Variants in PCDHA2 observed in about 807,000 individuals in gnomAD.
PCDHA2 encodes the protein protocadherin alpha-2.
In PCDHA2, 58 loss-of-function variants were observed where a neutral mutation model predicts 66.0. The ratio of observed to expected loss-of-function variants is 0.88; its 90% CI spans 0.71 to 1.09. The LOEUF (loss-of-function observed/expected upper bound fraction) is 1.09. Ranked by LOEUF, PCDHA2 falls within the 50% of genes least tolerant of loss-of-function variation. PCDHA2 has a pLI of 0.00. For missense variants in PCDHA2, 1,267 were observed against 1,242.3 expected (o/e 1.02, Z -0.30); for synonymous variants, 634 against 554.0 (o/e 1.14, Z -2.03).
Position 140,881,345 on chromosome 5 carries a change from T to A in PCDHA2, c.2388+83993T>A, listed in dbSNP as rs2058675594. The A allele has an allele frequency of 4.1e-6, 4 of 985,136 alleles. No individual in the cohort carries two copies. In the African/African-American group the frequency reaches 7.0e-5, roughly 17 times the overall value. The allele number at this position is 985,136 out of a possible 1,614,324, so 61.0% of individuals were successfully genotyped here. A position where few individuals can be genotyped will look rare whatever the true frequency, so the allele number is the denominator to read the frequency against. On this transcript the variant is annotated intron_variant, in intron 1 of 3. Transcript: ENST00000526136. ...ATTTAACCAGGACGCCGATTCGGGC[T>A]ACAATGCGTGGCTTTCGTATGAATT... is the stretch of plus-strand genomic sequence containing the variant.
intron 1 of PCDHA2, among the ~76,000 whole-genome samples, chr5:140,959,893 T>A (rs782431808): frequency 6.6e-6 from 1 of 152,194 alleles, no homozygotes; most frequent in Non-Finnish European, 1.5e-5. Flanking sequence ...CGAGTGGGAT[T>A]TATATCAGAA....
At chr5:140,885,738 C>T (rs1160742683) in intron 1 of PCDHA2, among the ~76,000 whole-genome samples, 5 of 151,978 alleles carry the variant, frequency 3.3e-5, no homozygotes, top group African/African-American at 1.2e-4. Flanking sequence ...TGATATTTCA[C>T]TGTTACTTTA....
At chr5:140,966,470 T>G (rs782674249) in intron 1 of PCDHA2, 26 of 431,180 alleles carry the variant, frequency 6.0e-5, no homozygotes, top group Non-Finnish European at 9.3e-5. Context: ...TCTTCCCTTC[T>G]GTTTCCTTTT....
intron 1 of PCDHA2, among the ~76,000 whole-genome samples, chr5:140,948,503 A>G (rs949915439): frequency 1.4e-4 from 22 of 151,736 alleles, no homozygotes; most frequent in Middle Eastern, 3.4e-3. Flanking sequence ...TAGACTTTCT[A>G]TTAAAAATGT....
intron 1 of PCDHA2, chr5:140,847,447 T>C (rs1013186891): frequency 6.7e-6 from 1 of 149,786 alleles, no homozygotes; most frequent in Non-Finnish European, 1.5e-5. Context: ...CACTAAAATC[T>C]AGATTTAATT....
intron 1 of PCDHA2, among the ~76,000 whole-genome samples, chr5:140,977,826 T>C (rs1554238818): frequency 1.3e-5 from 2 of 152,208 alleles, no homozygotes; most frequent in Admixed American, 6.5e-5. Flanking sequence ...TTTTGAATGG[T>C]CTATTGATAT....
At chr5:140,834,316 G>A (rs1772899849) in intron 1 of PCDHA2, 1 of 1,378,132 alleles carries the variant, frequency 7.3e-7, no homozygotes, top group Non-Finnish European at 1.0e-6. Context: ...TGAAATGAAG[G>A]GATAAAAACA....
chr5:140,878,047 G>A lies in PCDHA2; in HGVS notation c.2388+80695G>A, dbSNP rs574540860. On this transcript the variant is annotated intron_variant, in intron 1 of 3. Transcript: ENST00000526136. Reference sequence around the variant, plus strand: ...ATGTAGGTACAATGGAGGCCATGGAGCACCACACTTAATATTTTTCTTTTT... The same window carrying A: ...ATGTAGGTACAATGGAGGCCATGGAACACCACACTTAATATTTTTCTTTTT... The A allele has an allele frequency of 1.7e-4, 84 of 491,464 alleles. No homozygotes were observed. In the South Asian group the frequency reaches 4.9e-3, roughly 29 times the overall value. 30.4% of individuals were successfully genotyped at this position (491,464 alleles called of 1,614,324 possible).
rs138591837 is a variant in PCDHA2 at position 140,843,301 on chromosome 5, C to T, written c.2388+45949C>T. The T allele has an allele frequency of 6.3e-6, 10 of 1,595,850 alleles. 1 individual carries two copies. The African/African-American group carries it at 6.7e-5, about 11-fold the overall frequency. On this transcript the variant is annotated intron_variant, in intron 1 of 3. Transcript: ENST00000526136. The stretch of plus-strand genomic sequence containing the variant: ...AGGATCATGGTGAACCTGCGCTGAC[C>T]GCCACGGCCACGGTTCTGGTGTCGC...
At chr5:140,954,036 T>G (rs527853766) in intron 1 of PCDHA2, among the ~76,000 whole-genome samples, 170 of 152,342 alleles carry the variant, frequency 1.1e-3, no homozygotes, top group African/African-American at 3.9e-3. Context: ...GATGTGGTAT[T>G]TGGTTTTCTG....
intron 1 of PCDHA2, among the ~76,000 whole-genome samples, chr5:140,818,143 A>G (rs1554127393): frequency 6.6e-6 from 1 of 152,256 alleles, no homozygotes; most frequent in African/African-American, 2.4e-5. Context: ...GTATGCCTTC[A>G]AATACGGCTT....
Position 140,836,232 on chromosome 5 carries a change from G to T in PCDHA2, c.2388+38880G>T. 4 of 1,613,788 alleles carry T rather than the reference G, an allele frequency of 2.5e-6. No homozygotes were observed. In the South Asian group the frequency reaches 3.3e-5, roughly 13 times the overall value. On this transcript the variant is annotated intron_variant, in intron 1 of 3. Transcript: ENST00000526136. ...GTATGAGTTGCAACCGGTGGCGGCCGGTGCGAGCATCCCGTTCCGCGTGGG... is the reference window on the plus strand; with the variant it reads ...GTATGAGTTGCAACCGGTGGCGGCCTGTGCGAGCATCCCGTTCCGCGTGGG...
At chr5:140,920,828 G>A (rs1482219421) in intron 1 of PCDHA2, among the ~76,000 whole-genome samples, 4 of 147,976 alleles carry the variant, frequency 2.7e-5, no homozygotes, top group African/African-American at 1.0e-4. Context: ...TGGCGACGGA[G>A]CAAGACCAAA....
intron 1 of PCDHA2, chr5:140,968,340 A>G: frequency 6.2e-7 from 1 of 1,614,136 alleles, no homozygotes; most frequent in African/African-American, 1.3e-5. Context: ...GTCTCCATTA[A>G]CAGTGCCAGT....
At chr5:140,797,659 C>A (rs1335077353) in intron 1 of PCDHA2, among the ~76,000 whole-genome samples, 1 of 152,140 alleles carries the variant, frequency 6.6e-6, no homozygotes, top group Non-Finnish European at 1.5e-5. Flanking sequence ...TAAATATTTT[C>A]TCTCTTAAAA....
At chr5:140,919,932 C>A (rs2079357842) in intron 1 of PCDHA2, among the ~76,000 whole-genome samples, 1 of 151,968 alleles carries the variant, frequency 6.6e-6, no homozygotes, top group Non-Finnish European at 1.5e-5. Flanking sequence ...CAGGTGGGGG[C>A]TAATTCCAGT....
chr5:140,809,782 T>C, intron 1 of PCDHA2: 1 of 502,618 alleles, frequency 2.0e-6, no homozygotes, highest in Non-Finnish European at 3.4e-6. Flanking sequence ...CAATGCATAT[T>C]AACAGAACTG....
chr5:140,877,652 C>G (rs1456022709), intron 1 of PCDHA2: 1 of 1,613,520 alleles, frequency 6.2e-7, no homozygotes, highest in Non-Finnish European at 8.5e-7. Context: ...TCAGCGCCGC[C>G]CACCGTGAGC....
intron 1 of PCDHA2, among the ~76,000 whole-genome samples, chr5:140,902,174 T>C (rs1191904492): frequency 1.3e-5 from 2 of 151,720 alleles, no homozygotes; most frequent in Non-Finnish European, 2.9e-5. Context: ...AATTTGGATG[T>C]CCTTTATGTC....
Sources: gnomAD v4.1 joint callset for allele counts (sites outside exome capture counted in the v4.1 genomes callset) on GRCh38, gnomAD v4.1.1 for gene constraint, MANE v1.5 for transcripts, NCBI Gene and HGNC (gene_info 2026-07-23, HGNC 2026-07-21) for gene names.